The following DNAH7 variants were observed in gnomAD, a reference collection of about 807,000 sequenced individuals.
DNAH7 encodes the protein dynein axonemal heavy chain 7.
Under a neutral mutation model 444.6 loss-of-function variants are expected in DNAH7, and 397 were observed. The ratio of observed to expected loss-of-function variants is 0.89; its 90% CI spans 0.82 to 0.97. DNAH7 has a LOEUF of 0.97. DNAH7 is among the 50% of genes least tolerant of loss of function. The pLI is 0.00. For missense variants in DNAH7, 4,902 were observed against 4,800.8 expected (o/e 1.02, Z -0.62); for synonymous variants, 1,636 against 1,624.4 (o/e 1.01, Z -0.17).
intron 47 of DNAH7, among the ~76,000 whole-genome samples, chr2:195,839,948 T>G (rs976003488): frequency 2.0e-5 from 3 of 151,708 alleles, no homozygotes; most frequent in Admixed American, 6.6e-5. Flanking sequence ...AAGAAAGAAA[T>G]AATTCTAATT....
chr2:196,059,879 G>A (rs375266054), intron 1 of DNAH7, among the ~76,000 whole-genome samples: 2 of 152,062 alleles, frequency 1.3e-5, no homozygotes, highest in African/African-American at 4.8e-5. Context: ...TCTTCTCTTC[G>A]AGCAGAGAGT....
rs905834335 is a variant in DNAH7 at position 195,900,403 on chromosome 2, G to C, written c.4427C>G (p.Pro1476Arg). Residue 1476 changes from proline to arginine, a missense_variant, in exon 28 of 65, where the codon CCA becomes CGA. Pro to Arg is a moderately radical substitution (Grantham distance 103). Coordinates refer to ENST00000312428, the MANE Select transcript of DNAH7 (RefSeq NM_018897.3). ...CGTAGCCACAATTTTTACAGACAGT[G>C]GTCGAGCAGTGACAAACCCACAGGA... ...LYSCGFVTARPLSVKIVATYR... is the reference protein window; with the variant it reads ...LYSCGFVTARRLSVKIVATYR... 2 of 1,613,896 alleles carry C rather than the reference G, an allele frequency of 1.2e-6. No homozygotes were observed. Among genetic ancestry groups the C allele is most frequent in the African/African-American group, 2.7e-5 (2 of 74,890 alleles).
intron 24 of DNAH7, among the ~76,000 whole-genome samples, chr2:195,914,448 T>C (rs1406928655): frequency 6.6e-6 from 1 of 152,208 alleles, no homozygotes; most frequent in Non-Finnish European, 1.5e-5. Flanking sequence ...AGATCCTGTA[T>C]AGGTTCTTCA....
At position 195,881,827 on chromosome 2, in the gene DNAH7, G is replaced by T. The variant is rs371684985; in HGVS notation, c.5929C>A (p.Pro1977Thr). ...THQKPSIFVG[P>T]TGTGKSVYIT... ...TAAACACTTTTCCCAGTTCCTGTTG[G>T]TCCTACAAATATTGAAGGCTTTTGA... Residue 1977 changes from proline to threonine, a missense_variant, in exon 36 of 65, where the codon CCA becomes ACA. Transcript: ENST00000312428. 3.1e-6 allele frequency: 5 copies of T among 1,613,832 alleles called. No individual in the cohort carries two copies. Among genetic ancestry groups the T allele is most frequent in the Non-Finnish European group, 4.2e-6 (5 of 1,179,930 alleles).
At chr2:195,792,153 T>G (rs1574441682) in intron 57 of DNAH7, among the ~76,000 whole-genome samples, 1 of 100,638 alleles carries the variant, frequency 9.9e-6, no homozygotes, top group Non-Finnish European at 1.8e-5. Context: ...GGCAATAGAG[T>G]GAGACCCTGT....
chr2:195,914,557 CCT>C (rs201822845), intron 24 of DNAH7, among the ~76,000 whole-genome samples: 3,333 of 152,310 alleles, frequency 0.022, 70 homozygotes, highest in Non-Finnish European at 0.032. Context: ...AACCACTTGC[CCT>C]GATTCATTTG....
At chr2:195,817,860 T>A (rs761501454) in intron 49 of DNAH7, 31 bp from the exon 50 acceptor site, 2 of 1,487,454 alleles carry the variant, frequency 1.3e-6, no homozygotes, top group Non-Finnish European at 1.8e-6. Context: ...AAAAATTACA[T>A]CATTATTTCT....
intron 10 of DNAH7, among the ~76,000 whole-genome samples, chr2:196,008,500 A>T (rs2125710179): frequency 6.6e-6 from 1 of 152,338 alleles, no homozygotes; most frequent in East Asian, 1.9e-4. Flanking sequence ...CAAAAAGTGG[A>T]AACAACCCAA....
At chr2:195,991,368 C>T (rs748967225) in intron 12 of DNAH7, among the ~76,000 whole-genome samples, 1 of 152,184 alleles carries the variant, frequency 6.6e-6, no homozygotes, top group Non-Finnish European at 1.5e-5. Context: ...GTCATGCACA[C>T]AGTGAATTCT....
At chr2:196,040,187 T>G (rs1280314719) in intron 5 of DNAH7, among the ~76,000 whole-genome samples, 2 of 152,126 alleles carry the variant, frequency 1.3e-5, no homozygotes, top group African/African-American at 4.8e-5. Context: ...TTCCAAAAAC[T>G]TGAAGAGAAA....
At position 195,987,405 on chromosome 2, in the gene DNAH7, G is replaced by A. The variant is rs114094531; in HGVS notation, c.1627-212C>T. Reference sequence around the variant, plus strand: ...ATATCCTTGAAAAGTTTATTATCTTGGAAGCCAATTCAATCTCAGGACAAT... The same window carrying A: ...ATATCCTTGAAAAGTTTATTATCTTAGAAGCCAATTCAATCTCAGGACAAT... On this transcript the variant is annotated intron_variant, in intron 13 of 64. Coordinates refer to ENST00000312428, the MANE Select transcript of DNAH7 (RefSeq NM_018897.3). Among the ~76,000 whole-genome samples, 948 of 151,826 alleles carry A rather than the reference G, an allele frequency of 6.2e-3. 10 individuals carry two copies. Among genetic ancestry groups the A allele is most frequent in the African/African-American group, 0.022 (914 of 41,400 alleles).
intron 24 of DNAH7, among the ~76,000 whole-genome samples, chr2:195,921,352 T>C (rs1574775400): frequency 7.1e-6 from 1 of 140,380 alleles, no homozygotes; most frequent in Non-Finnish European, 1.5e-5. Flanking sequence ...AAATGTGGTG[T>C]ACACACACAC....
chr2:195,961,827 A>G (rs2125534757), intron 17 of DNAH7, among the ~76,000 whole-genome samples: 1 of 152,288 alleles, frequency 6.6e-6, no homozygotes, highest in South Asian at 2.1e-4. Flanking sequence ...ATTATATTGC[A>G]AAATACTAAC....
rs185178556 is a variant in DNAH7 at position 195,880,494 on chromosome 2, A to G, written c.5961+1301T>C. ...CAGGCGCCCGCCACCACACCCGGCTACTTTTTTTGTTTGCTTGTTTTTGTA... is the reference window on the plus strand; with the variant it reads ...CAGGCGCCCGCCACCACACCCGGCTGCTTTTTTTGTTTGCTTGTTTTTGTA... On this transcript the variant is annotated intron_variant, in intron 36 of 64. Coordinates refer to ENST00000312428, the MANE Select transcript of DNAH7 (RefSeq NM_018897.3). Among the ~76,000 whole-genome samples, 1,461 of 151,380 alleles carry G rather than the reference A, an allele frequency of 9.7e-3. 24 individuals are homozygous for G. Among genetic ancestry groups the G allele is most frequent in the African/African-American group, 0.033 (1,364 of 40,890 alleles).
intron 8 of DNAH7, 86 bp downstream of exon 8, chr2:196,024,339 AACAT>A (rs984027657): frequency 2.5e-6 from 2 of 798,786 alleles, no homozygotes; most frequent in African/African-American, 3.6e-5. Flanking sequence ...ATAAATTATA[AACAT>A]ACATTTGAGA....
intron 56 of DNAH7, among the ~76,000 whole-genome samples, chr2:195,796,230 A>G (rs992512837): frequency 6.6e-6 from 1 of 152,234 alleles, no homozygotes; most frequent in Non-Finnish European, 1.5e-5. Context: ...CACCTTGAAC[A>G]GTCCTCCTTG....
chr2:195,828,005 C>T (rs535974048), intron 48 of DNAH7, among the ~76,000 whole-genome samples: 13 of 152,250 alleles, frequency 8.5e-5, no homozygotes, highest in African/African-American at 2.6e-4. Context: ...ACCAATCATC[C>T]TGCTTTAGGC....
intron 51 of DNAH7, among the ~76,000 whole-genome samples, chr2:195,813,278 G>A (rs1018537385): frequency 6.6e-6 from 1 of 152,156 alleles, no homozygotes; most frequent in Non-Finnish European, 1.5e-5. Flanking sequence ...AATAAGGAGA[G>A]AGATTTTCCT....
At position 195,786,992 on chromosome 2, in the gene DNAH7, C is replaced by T. The variant is rs767704213; in HGVS notation, c.10878+18G>A. 6.4e-6 allele frequency: 10 copies of T among 1,550,426 alleles called. No homozygotes were observed. Among genetic ancestry groups the T allele is most frequent in the Non-Finnish European group, 8.7e-6 (10 of 1,152,680 alleles). ...AAGAGCAACATAGGTAATGTCCTTG[C>T]TGTGATTTTTATGATACCTCATACT... On this transcript the variant is annotated intron_variant, in intron 58 of 64. Transcript: ENST00000312428.
Sources: gnomAD v4.1 joint callset for allele counts (sites outside exome capture counted in the v4.1 genomes callset) on GRCh38, gnomAD v4.1.1 for gene constraint, MANE v1.5 for transcripts, NCBI Gene and HGNC (gene_info 2026-07-23, HGNC 2026-07-21) for gene names.